Variants in ITPRID1 observed in about 807,000 individuals in gnomAD.
The protein encoded by ITPRID1 is ITPR interacting domain containing 1.
ITPRID1 carries 96 observed loss-of-function variants against 95.4 expected under a neutral mutation model. That is an observed-to-expected ratio of 1.01 (90% CI 0.85 to 1.19). The LOEUF is 1.19. ITPRID1 is among the 50% of genes most tolerant of loss of function. The pLI is 0.00. For missense variants in ITPRID1, 1,339 were observed against 1,252.9 expected, an observed-to-expected ratio of 1.07 and a Z score of -1.04; for synonymous variants, 510 against 453.6, an observed-to-expected ratio of 1.12 and a Z score of -1.58.
rs547648561 is a variant in ITPRID1, at chr7:31,624,301, C to A, written c.1229-17875C>A. ...AAGTTCATATGGAACCAAAAAAGAG[C>A]CCGCATCACCAAGGCAATCCTAAGC... On this transcript the variant is annotated intron_variant, in intron 10 of 14. Transcript: ENST00000615280. Among the ~76,000 whole-genome samples, 337 of 143,086 alleles carry A rather than the reference C, an allele frequency of 2.4e-3. 1 individual carries two copies. Among genetic ancestry groups the A allele is most frequent in the African/African-American group, 8.4e-3 (322 of 38,508 alleles). 93.9% of individuals were successfully genotyped at this position (143,086 alleles called of 152,430 possible).
At position 31,527,518 on chromosome 7, in the gene ITPRID1, A is replaced by T. The variant is rs143504832; in HGVS notation, c.-98+13398A>T. Among the ~76,000 whole-genome samples, 915 of 152,214 alleles carry T rather than the reference A, an allele frequency of 6.0e-3. 6 individuals carry two copies. Among genetic ancestry groups the T allele is most frequent in the African/African-American group, 0.019 (796 of 41,532 alleles). ...GGAAAATGCATGACATAGGTTTTCA[A>T]TCTCACCTTTTGTCATCTCCCTCAA... On this transcript the variant is annotated intron_variant, in intron 1 of 14. Coordinates refer to ENST00000615280, the MANE Select transcript of ITPRID1 (RefSeq NM_001257967.3).
In ITPRID1 at chr7:31,651,083, T is replaced by G. The variant is rs4624934; in HGVS notation, c.2584-59T>G. 16 of 1,567,814 alleles carry G rather than the reference T, an allele frequency of 1.0e-5. No homozygotes were observed. The Middle Eastern group carries it at 5.1e-4, about 50-fold the overall frequency. On this transcript the variant is annotated intron_variant, in intron 12 of 14. Coordinates refer to ENST00000615280, the MANE Select transcript of ITPRID1 (RefSeq NM_001257967.3). Reference sequence around the variant, plus strand: ...AATGGGAAGACAGGCTCCACCATGGTGAGCTCTTGCAGAGGATCAGAGAGG... The same window carrying G: ...AATGGGAAGACAGGCTCCACCATGGGGAGCTCTTGCAGAGGATCAGAGAGG...
rs755561760 is a variant in ITPRID1, at chr7:31,651,962, C to T, written c.2735C>T (p.Thr912Met). The change falls in exon 14 of 15, where the codon ACG (threonine) becomes ATG (methionine). Residue 912 changes from threonine (T) to methionine (M), a missense_variant. Coordinates refer to ENST00000615280, the MANE Select transcript of ITPRID1 (RefSeq NM_001257967.3). The part of the protein sequence containing the change: ...EEREEAEQLQ[T>M]LREALRQQVA... Reference sequence around the variant, plus strand: ...AGGGAGGAGGCCGAGCAACTGCAAACGTTACGTGAGGCCCTGAGGCAGCAG... The same window carrying T: ...AGGGAGGAGGCCGAGCAACTGCAAATGTTACGTGAGGCCCTGAGGCAGCAG... The T allele has an allele frequency of 2.1e-5, 33 of 1,601,140 alleles. No homozygotes were observed. The East Asian group carries it at 3.4e-4, about 16-fold the overall frequency.
chr7:31,622,002 CAAAG>C (rs1787954381), intron 10 of ITPRID1, among the ~76,000 whole-genome samples: 1 of 142,116 alleles, frequency 7.0e-6, no homozygotes, highest in East Asian at 2.1e-4. Context: ...TCAAAAGAGA[CAAAG>C]AAGGCCATTA....
At chr7:31,538,709 T>C (rs1457488052) in intron 1 of ITPRID1, among the ~76,000 whole-genome samples, 2 of 152,224 alleles carry the variant, frequency 1.3e-5, no homozygotes, top group East Asian at 3.8e-4. Flanking sequence ...ACCACTGTCT[T>C]TCTGAGTGTG....
rs370785233 is a variant in ITPRID1 at position 31,597,392 on chromosome 7, A to G, written c.1228+14201A>G. ...CTTGAGAAGTGACAGGTGTATTAGT[A>G]GAATAATAAGGTTTAACAAGTTTGT... is the stretch of plus-strand genomic sequence containing the variant. On this transcript the variant is annotated intron_variant, in intron 10 of 14. Coordinates refer to ENST00000615280, the MANE Select transcript of ITPRID1 (RefSeq NM_001257967.3). Among the ~76,000 whole-genome samples the G allele has an allele frequency of 4.6e-5, 7 of 152,126 alleles. No individual in the cohort carries two copies. In the South Asian group the frequency reaches 1.2e-3, roughly 27 times the overall value.
At chr7:31,627,984 G>A (rs1355597942) in intron 10 of ITPRID1, among the ~76,000 whole-genome samples, 1 of 152,132 alleles carries the variant, frequency 6.6e-6, no homozygotes, top group Admixed American at 6.5e-5. Context: ...TGGGATTCAA[G>A]GAACCAACAA....
Position 31,550,965 on chromosome 7 carries a change from G to T in ITPRID1, c.-24+1466G>T, listed in dbSNP as rs567616670. On this transcript the variant is annotated intron_variant, in intron 2 of 14. Transcript: ENST00000615280. ...CATTATGATACAGAAGCAGCAATTT[G>T]AATACTATCAGCTACCTGATAGCTT... is the stretch of plus-strand genomic sequence containing the variant. Among the ~76,000 whole-genome samples, 4 of 143,788 alleles carry T rather than the reference G, an allele frequency of 2.8e-5. 1 individual carries two copies. Among genetic ancestry groups the T allele is most frequent in the Admixed American group, 7.0e-5 (1 of 14,330 alleles). The allele number at this position is 143,788 out of a possible 152,430, so 94.3% of individuals were successfully genotyped here.
chr7:31,632,434 G>A (rs1006088428), intron 10 of ITPRID1, among the ~76,000 whole-genome samples: 2 of 152,078 alleles, frequency 1.3e-5, no homozygotes, highest in African/African-American at 4.8e-5. Context: ...GTGACAGAGC[G>A]AGACTCCTTC....
intron 10 of ITPRID1, among the ~76,000 whole-genome samples, chr7:31,614,491 CA>C (rs754778681): frequency 6.6e-5 from 10 of 152,060 alleles, no homozygotes; most frequent in Non-Finnish European, 1.3e-4. Flanking sequence ...AAAGCCTCTA[CA>C]AAAGGCAGAT....
intron 7 of ITPRID1, among the ~76,000 whole-genome samples, chr7:31,573,989 A>G (rs1226277902): frequency 6.6e-6 from 1 of 152,094 alleles, no homozygotes; most frequent in Non-Finnish European, 1.5e-5. Context: ...GCCAAGTACA[A>G]AAATAATACA....
chr7:31,628,895 TCAA>T (rs1449589828), intron 10 of ITPRID1, among the ~76,000 whole-genome samples: 1 of 152,174 alleles, frequency 6.6e-6, no homozygotes, highest in Non-Finnish European at 1.5e-5. Flanking sequence ...ACCAGTGGAC[TCAA>T]CAAGGACAAT....
chr7:31,589,387 G>A (rs1222853883), intron 10 of ITPRID1, among the ~76,000 whole-genome samples: 1 of 152,098 alleles, frequency 6.6e-6, no homozygotes. Flanking sequence ...GAGAGGGAAA[G>A]GACAGAGAAA....
Position 31,552,982 on chromosome 7 carries a change from T to G in ITPRID1, c.-23-20T>G. Reference sequence around the variant, plus strand: ...GCTGAACTCATCGTGTCTGATTTGTTTGTGTGTGTGTGTTTTAAGTTAGTT... The same window carrying G: ...GCTGAACTCATCGTGTCTGATTTGTGTGTGTGTGTGTGTTTTAAGTTAGTT... On this transcript the variant is annotated intron_variant, in intron 2 of 14. Transcript: ENST00000615280. 1 of 1,584,260 alleles carries G rather than the reference T, an allele frequency of 6.3e-7. No individual in the cohort carries two copies.
chr7:31,637,343 A>G (rs998738588), intron 10 of ITPRID1, among the ~76,000 whole-genome samples: 7 of 152,176 alleles, frequency 4.6e-5, no homozygotes, highest in African/African-American at 1.7e-4. Flanking sequence ...ACTAGTTTAC[A>G]GTCCCACCAA....
chr7:31,615,636 G>GGTTGTGTAAT (rs1321699633), intron 10 of ITPRID1, among the ~76,000 whole-genome samples: 2 of 151,920 alleles, frequency 1.3e-5, no homozygotes, highest in Non-Finnish European at 2.9e-5. Flanking sequence ...TATGAACAAT[G>GGTTGTGTAAT]GTTGTGTAAT....
In ITPRID1 at chr7:31,643,455, G is replaced by A. The variant is rs1408522412; in HGVS notation, c.2085G>A (p.Met695Ile). 6.2e-7 allele frequency: 1 copy of A among 1,614,008 alleles called. No individual in the cohort carries two copies. The highest frequency in any genetic ancestry group is 8.5e-7 in the Non-Finnish European group (1 of 1,179,894). Residue 695 changes from methionine (M) to isoleucine (I), a missense_variant, in exon 12 of 15, where the codon ATG becomes ATA. Coordinates refer to ENST00000615280, the MANE Select transcript of ITPRID1 (RefSeq NM_001257967.3). Reference protein sequence around the residue: ...GQILPGTEAEMENLPLNTGSS... With the variant: ...GQILPGTEAEIENLPLNTGSS... Reference sequence around the variant, plus strand: ...TACTACCTGGGACAGAAGCTGAGATGGAAAACCTTCCTCTAAATACTGGCA... The same window carrying A: ...TACTACCTGGGACAGAAGCTGAGATAGAAAACCTTCCTCTAAATACTGGCA...
Position 31,553,749 on chromosome 7 carries a change from A to G in ITPRID1, c.163+562A>G, listed in dbSNP as rs552315490. Among the ~76,000 whole-genome samples the G allele has an allele frequency of 2.4e-4, 36 of 152,282 alleles. 1 individual carries two copies. The highest frequency in any genetic ancestry group is 8.2e-4 in the African/African-American group (34 of 41,562). On this transcript the variant is annotated intron_variant, in intron 3 of 14. Transcript: ENST00000615280. ...ACCTGGCTTTTATGGTTCACCTGAC[A>G]CCTTGTGAGGGAGATAATTCAGGCA...
At chr7:31,558,167 A>C (rs1784512618) in intron 5 of ITPRID1, among the ~76,000 whole-genome samples, 1 of 152,062 alleles carries the variant, frequency 6.6e-6, no homozygotes, top group African/African-American at 2.4e-5. Context: ...GCCTTCCACC[A>C]TGGAATGACA....
Sources: gnomAD v4.1 joint callset for allele counts (sites outside exome capture counted in the v4.1 genomes callset) on GRCh38, gnomAD v4.1.1 for gene constraint, MANE v1.5 for transcripts, NCBI Gene and HGNC (gene_info 2026-07-23, HGNC 2026-07-21) for gene names.